MCMDC2: variants seen among roughly 807,000 people sequenced by gnomAD.
MCMDC2 encodes the protein minichromosome maintenance domain-containing protein 2.
A neutral mutation model predicts 75.8 loss-of-function variants in MCMDC2; 54 were observed. The ratio of observed to expected loss-of-function variants is 0.71; its 90% confidence interval spans 0.57 to 0.89. MCMDC2 has a LOEUF of 0.89. Ranked by LOEUF, MCMDC2 falls within the 40% of genes least tolerant of loss-of-function variation. MCMDC2 has a pLI of 0.00. For synonymous variants in MCMDC2, 249 were observed against 274.6 expected, an observed-to-expected ratio of 0.91 and a Z score of 0.92; for missense variants, 656 against 780.4, an observed-to-expected ratio of 0.84 and a Z score of 1.90.
chr8:66,874,767 C>CT (rs755491510), intron 4 of MCMDC2, among the ~76,000 whole-genome samples, 181 bp downstream of exon 4: 7 of 148,970 alleles, frequency 4.7e-5, no homozygotes, highest in African/African-American at 7.4e-5. Context: ...TTAAACACTT[C>CT]TTTTTTTTTT....
Position 66,882,792 on chromosome 8 carries a change from A to G in MCMDC2, c.836-965A>G, listed in dbSNP as rs771843438. Among the ~76,000 whole-genome samples, 3 of 152,344 alleles carry G rather than the reference A, an allele frequency of 2.0e-5. No homozygotes were observed. The South Asian group carries it at 6.2e-4, about 32-fold the overall frequency. On this transcript the variant is annotated intron_variant, in intron 8 of 14. Coordinates refer to ENST00000422365, the MANE Select transcript of MCMDC2 (RefSeq NM_173518.5). ...TTGAAGAGAAAAGCTTCTTAAAAAA[A>G]CAAAAATGTTAAAGAAAGAAAGCAC...
intron 7 of MCMDC2, among the ~76,000 whole-genome samples, 178 bp downstream of exon 7, chr8:66,879,097 A>T (rs1811437217): frequency 6.6e-6 from 1 of 152,060 alleles, no homozygotes; most frequent in Non-Finnish European, 1.5e-5. Context: ...CTCTACAAAA[A>T]ATTAAAAAAT....
At chr8:66,925,235 T>C (rs996345336), downstream of MCMDC2, among the ~76,000 whole-genome samples, 2 of 152,240 alleles carry the variant, frequency 1.3e-5, no homozygotes, top group Non-Finnish European at 2.9e-5. Context: ...TCCAGGTGGT[T>C]ACTCACAAAA....
intron 1 of MCMDC2, among the ~76,000 whole-genome samples, chr8:66,872,957 C>CAAAAAAA (rs749748721): frequency 7.5e-5 from 3 of 40,130 alleles, no homozygotes; most frequent in African/African-American, 9.0e-5. Flanking sequence ...GACTCCATCT[C>CAAAAAAA]AAAAAAAAAA....
chr8:66,877,630 T>G, intron 5 of MCMDC2, 86 bp downstream of exon 5: 1 of 972,356 alleles, frequency 1.0e-6, no homozygotes, highest in Non-Finnish European at 1.5e-6. Flanking sequence ...TTTGGGAAGC[T>G]GAGGAGGGAG....
intron 13 of MCMDC2, among the ~76,000 whole-genome samples, chr8:66,902,711 A>ATATAT (rs1554530727): frequency 5.9e-4 from 40 of 67,912 alleles, no homozygotes; most frequent in East Asian, 1.5e-3. Flanking sequence ...AAAAAAAAAA[A>ATATAT]ATATATATAT....
intron 14 of MCMDC2, among the ~76,000 whole-genome samples, chr8:66,913,918 C>T (rs538948457): frequency 1.1e-3 from 153 of 143,104 alleles, no homozygotes; most frequent in African/African-American, 3.7e-3. Flanking sequence ...GAGCCGAGAT[C>T]GTACCACTGC....
chr8:66,915,318 G>A (rs560963580), intron 14 of MCMDC2, among the ~76,000 whole-genome samples: 15 of 151,862 alleles, frequency 9.9e-5, no homozygotes, highest in Non-Finnish European at 1.8e-4. Flanking sequence ...TGGGCGTAGT[G>A]GCGCGCGTCT....
At chr8:66,897,842 C>T (rs1400796208) in intron 12 of MCMDC2, among the ~76,000 whole-genome samples, 1 of 152,124 alleles carries the variant, frequency 6.6e-6, no homozygotes, top group Non-Finnish European at 1.5e-5. Context: ...CAACTGAAAC[C>T]TTTTTAACTA....
At position 66,890,845 on chromosome 8, in the gene MCMDC2, A is replaced by T. The variant is rs760112657; in HGVS notation, c.1074-20A>T. On this transcript the variant is annotated intron_variant, in intron 9 of 14. Transcript: ENST00000422365. ...TGAAAATTAAATAATAGTAATGAAA[A>T]GTTTATTTTTTTTCCCTAGGCTTCT... 6.3e-7 allele frequency: 1 copy of T among 1,580,182 alleles called. No individual in the cohort carries two copies. The highest frequency in any genetic ancestry group is 1.9e-5 in the Admixed American group (1 of 52,846).
chr8:66,925,549 G>T (rs1269201958), downstream of MCMDC2: 1 of 152,300 alleles, frequency 6.6e-6, no homozygotes, highest in African/African-American at 2.4e-5. Flanking sequence ...AAGGAAGAGC[G>T]ACATCGGAAG....
intron 14 of MCMDC2, 107 bp downstream of exon 14, chr8:66,905,442 T>A: frequency 9.8e-7 from 1 of 1,015,968 alleles, no homozygotes; most frequent in Non-Finnish European, 1.3e-6. Context: ...AATATTATTT[T>A]AAAGAATAAC....
rs1812338569 is a variant in MCMDC2, at chr8:66,896,098, T to C, written c.1280-72T>C. On this transcript the variant is annotated intron_variant, in intron 10 of 14. Coordinates refer to ENST00000422365, the MANE Select transcript of MCMDC2 (RefSeq NM_173518.5). The stretch of plus-strand genomic sequence containing the variant: ...TACACAGTATAATTATATATAATAA[T>C]GTGTTAGCAATTTGTAGACATTTAG... 3 of 1,317,098 alleles carry C rather than the reference T, an allele frequency of 2.3e-6. No individual in the cohort carries two copies. In the African/African-American group the frequency reaches 4.5e-5, roughly 20 times the overall value. 81.6% of individuals were successfully genotyped at this position (1,317,098 alleles called of 1,614,324 possible).
Position 66,890,765 on chromosome 8 carries a change from A to G in MCMDC2, c.1074-100A>G. 3.1e-6 allele frequency: 3 copies of G among 966,290 alleles called. No homozygotes were observed. In the East Asian group the frequency reaches 7.9e-5, roughly 25 times the overall value. 59.9% of individuals were successfully genotyped at this position (966,290 alleles called of 1,614,324 possible). A position where few individuals can be genotyped will look rare whatever the true frequency, so the allele number is the denominator to read the frequency against. ...TTATCCCTAGCACAATAGCTGGTGT[A>G]TCACAGGTGCTCAGTAAACACAGAA... On this transcript the variant is annotated intron_variant, in intron 9 of 14. Transcript: ENST00000422365.
chr8:66,871,117 T>G (rs1810994981), intron 1 of MCMDC2, among the ~76,000 whole-genome samples: 1 of 152,132 alleles, frequency 6.6e-6, no homozygotes, highest in African/African-American at 2.4e-5. Context: ...TCCACAGGCT[T>G]CTATGTCTTT....
intron 14 of MCMDC2, among the ~76,000 whole-genome samples, chr8:66,910,834 C>G (rs537563468): frequency 6.6e-6 from 1 of 152,106 alleles, no homozygotes; most frequent in South Asian, 2.1e-4. Context: ...ATTACTGCCT[C>G]GCTGGATTTT....
intron 4 of MCMDC2, among the ~76,000 whole-genome samples, chr8:66,875,526 G>T (rs921988033): frequency 6.6e-6 from 1 of 152,176 alleles, no homozygotes; most frequent in Non-Finnish European, 1.5e-5. Flanking sequence ...TGATCCACCC[G>T]CCTCGGCCTC....
chr8:66,913,622 GTC>G (rs1256139656), intron 14 of MCMDC2, among the ~76,000 whole-genome samples: 1 of 152,124 alleles, frequency 6.6e-6, no homozygotes, highest in Non-Finnish European at 1.5e-5. Context: ...AAAAGTTGCA[GTC>G]TCTGCCCTGG....
In MCMDC2 at chr8:66,921,796, ACAAG is replaced by A. The variant is rs1446852324; in HGVS notation, c.*2631_*2634del. ...GAAGCCAGACAGGGAACCTAGAGGT[ACAAG>A]CAATGTCTCCCCAGCTGTCAGCCTC... On this transcript the variant is annotated 3_prime_UTR_variant, in exon 15 of 15. Coordinates refer to ENST00000422365, the MANE Select transcript of MCMDC2 (RefSeq NM_173518.5). 6.6e-6 allele frequency: 1 copy of A among 152,250 alleles called. No homozygotes were observed. Among genetic ancestry groups the A allele is most frequent in the Non-Finnish European group, 1.5e-5 (1 of 68,042 alleles). The allele number at this position is 152,250 out of a possible 1,614,324, so 9.4% of individuals were successfully genotyped here.
Sources: allele counts gnomAD v4.1 joint callset (sites outside exome capture counted in the v4.1 genomes callset), GRCh38; gene constraint gnomAD v4.1.1; transcripts MANE v1.5; gene names NCBI Gene and HGNC (gene_info 2026-07-23, HGNC 2026-07-21).